The following GALNT13 variants were observed in gnomAD, a reference collection of about 807,000 sequenced individuals.
GALNT13 encodes UDP-GalNAc:polypeptide N-acetylgalactosaminyltransferase 13.
GALNT13 carries 28 observed loss-of-function variants against 64.2 expected under a neutral mutation model. The ratio of observed to expected loss-of-function variants is 0.44; its 90% CI spans 0.32 to 0.60. The LOEUF is 0.60. Among genes scored for constraint, GALNT13 ranks in the 20% least tolerant of loss-of-function variants. GALNT13 has a pLI of 0.05. For missense variants in GALNT13, 577 were observed against 669.8 expected (o/e 0.86, Z 1.53); for synonymous variants, 214 against 224.6 (o/e 0.95, Z 0.42).
intron 1 of GALNT13, among the ~76,000 whole-genome samples, chr2:153,879,712 A>G (rs895406666): frequency 6.6e-6 from 1 of 152,038 alleles, no homozygotes; most frequent in Non-Finnish European, 1.5e-5. Context: ...AGAATTGAAA[A>G]CAGAACACAG....
At chr2:153,426,765 A>G in the GALNT13 span, among the ~76,000 whole-genome samples, 10 of 151,882 alleles carry the variant, frequency 6.6e-5, no homozygotes, top group Non-Finnish European at 1.3e-4. Flanking sequence ...CTTTTTGAGC[A>G]TAAGTATAGA....
the GALNT13 span, among the ~76,000 whole-genome samples, chr2:153,772,594 T>C: frequency 6.6e-6 from 1 of 152,246 alleles, no homozygotes; most frequent in East Asian, 1.9e-4. Context: ...TTTATCTTTA[T>C]GCACTGTTTT....
the GALNT13 span, among the ~76,000 whole-genome samples, chr2:153,326,858 G>T: frequency 1.3e-5 from 2 of 152,146 alleles, no homozygotes; most frequent in African/African-American, 4.8e-5. Flanking sequence ...GGCCAAGGCC[G>T]GTGGATCATG....
At chr2:153,208,433 C>A in the GALNT13 span, among the ~76,000 whole-genome samples, 1 of 151,960 alleles carries the variant, frequency 6.6e-6, no homozygotes, top group Non-Finnish European at 1.5e-5. Flanking sequence ...TGTTTTGAGT[C>A]TTTTACCTAG....
the GALNT13 span, among the ~76,000 whole-genome samples, chr2:153,682,653 T>G: frequency 6.6e-6 from 1 of 151,810 alleles, no homozygotes; most frequent in Non-Finnish European, 1.5e-5. Context: ...AATTTGCACA[T>G]GAATAGATAG....
chr2:153,829,587 C>A, the GALNT13 span, among the ~76,000 whole-genome samples: 1 of 152,080 alleles, frequency 6.6e-6, no homozygotes, highest in East Asian at 1.9e-4. Flanking sequence ...GTGGGAGTTA[C>A]AATTCAAGAT....
At chr2:154,223,828 A>G (rs1431405203) in intron 4 of GALNT13, among the ~76,000 whole-genome samples, 1 of 152,098 alleles carries the variant, frequency 6.6e-6, no homozygotes, top group African/African-American at 2.4e-5. Context: ...ACATTTTGAT[A>G]TTGATTGCAG....
At chr2:153,335,411 G>T in the GALNT13 span, among the ~76,000 whole-genome samples, 11 of 152,308 alleles carry the variant, frequency 7.2e-5, no homozygotes, top group East Asian at 2.1e-3. Flanking sequence ...ATGGTGATAT[G>T]GACAATAAAA....
chr2:154,277,144 A>G (rs1446588001), intron 8 of GALNT13, among the ~76,000 whole-genome samples: 1 of 152,198 alleles, frequency 6.6e-6, no homozygotes, highest in East Asian at 1.9e-4. Flanking sequence ...AAGTATTACT[A>G]AAGCATTACA....
the GALNT13 span, among the ~76,000 whole-genome samples, chr2:153,509,281 G>A: frequency 6.6e-6 from 1 of 152,194 alleles, no homozygotes; most frequent in African/African-American, 2.4e-5. Flanking sequence ...GCTGCGTCAG[G>A]GAGCTGGGGC....
At chr2:153,673,067 T>C in the GALNT13 span, among the ~76,000 whole-genome samples, 37 of 152,228 alleles carry the variant, frequency 2.4e-4, no homozygotes, top group South Asian at 2.3e-3. Flanking sequence ...CAATAATTAA[T>C]AGCCTGCCAA....
chr2:153,670,739 A>G, the GALNT13 span, among the ~76,000 whole-genome samples: 13 of 152,188 alleles, frequency 8.5e-5, no homozygotes, highest in South Asian at 2.1e-4. Context: ...GAAGGTCTGT[A>G]ATAACAAACT....
the GALNT13 span, among the ~76,000 whole-genome samples, chr2:153,116,713 G>A: frequency 6.7e-6 from 1 of 150,068 alleles, no homozygotes; most frequent in East Asian, 2.0e-4. Context: ...AAAGATGGCA[G>A]TATCATTGGG....
the GALNT13 span, among the ~76,000 whole-genome samples, chr2:153,566,348 G>GTTTT: frequency 2.4e-4 from 18 of 74,774 alleles, no homozygotes; most frequent in African/African-American, 3.8e-4. Context: ...TTCTAATCAC[G>GTTTT]TTTTTTTTTT....
chr2:153,405,712 TGAGA>T, the GALNT13 span, among the ~76,000 whole-genome samples: 1 of 152,108 alleles, frequency 6.6e-6, no homozygotes, highest in African/African-American at 2.4e-5. Context: ...TCAAACAGGA[TGAGA>T]GAAACATAAG....
At chr2:153,649,680 G>C in the GALNT13 span, among the ~76,000 whole-genome samples, 2 of 152,138 alleles carry the variant, frequency 1.3e-5, no homozygotes, top group Non-Finnish European at 2.9e-5. Context: ...GTTCTCATTG[G>C]ATTCAAAGAA....
At chr2:153,704,348 CTGAT>C in the GALNT13 span, among the ~76,000 whole-genome samples, 2 of 152,166 alleles carry the variant, frequency 1.3e-5, no homozygotes, top group African/African-American at 2.4e-5. Context: ...AAGCTATTCA[CTGAT>C]TGACGCTAAG....
the GALNT13 span, among the ~76,000 whole-genome samples, chr2:153,196,504 A>T: frequency 8.6e-5 from 13 of 151,866 alleles, no homozygotes; most frequent in Non-Finnish European, 1.5e-4. Context: ...GAGAGTCGAC[A>T]CTCCCAAGCC....
the GALNT13 span, among the ~76,000 whole-genome samples, chr2:153,586,699 A>G: frequency 6.6e-6 from 1 of 152,216 alleles, no homozygotes; most frequent in Non-Finnish European, 1.5e-5. Context: ...AGATATTTAC[A>G]GAACTTTCTA....
Sources: gnomAD v4.1 joint callset for allele counts (sites outside exome capture counted in the v4.1 genomes callset) on GRCh38, gnomAD v4.1.1 for gene constraint, MANE v1.5 for transcripts, NCBI Gene and HGNC (gene_info 2026-07-23, HGNC 2026-07-21) for gene names.